Variants in NT5DC1 observed in about 807,000 individuals in gnomAD.
NT5DC1 encodes the protein 5'-nucleotidase domain containing 1.
In NT5DC1, 42 loss-of-function variants were observed where a neutral mutation model predicts 59.4. The observed-to-expected ratio is 0.71, with a 90% confidence interval of 0.55 to 0.92. The LOEUF (loss-of-function observed/expected upper bound fraction) is 0.92, where lower values mean the gene tolerates loss of function less well. NT5DC1 is among the 40% of genes least tolerant of loss of function. The probability of loss-of-function intolerance (pLI) is 0.00; values close to 1 mark genes in which losing one functional copy is unlikely to be tolerated. For missense variants in NT5DC1, 501 were observed against 537.1 expected (o/e 0.93, Z 0.66); for synonymous variants, 172 against 188.1 (o/e 0.91, Z 0.70).
intron 6 of NT5DC1, among the ~76,000 whole-genome samples, chr6:116,141,899 C>CACAA (rs991647292): frequency 6.6e-5 from 10 of 150,656 alleles, no homozygotes; most frequent in African/African-American, 2.4e-4. Flanking sequence ...CACACACACA[C>CACAA]ACACACACAC....
At chr6:116,124,809 T>C (rs1382513460) in intron 6 of NT5DC1, among the ~76,000 whole-genome samples, 1 of 152,212 alleles carries the variant, frequency 6.6e-6, no homozygotes, top group African/African-American at 2.4e-5. Flanking sequence ...TGCAGTTTCA[T>C]TTGCCTGCTT....
intron 6 of NT5DC1, among the ~76,000 whole-genome samples, chr6:116,159,297 A>G (rs1347349489): frequency 1.3e-5 from 2 of 152,208 alleles, no homozygotes; most frequent in East Asian, 1.9e-4. Context: ...CCAGAGAAAC[A>G]TAACTTTCTT....
intron 6 of NT5DC1, chr6:116,121,641 CA>C: frequency 6.2e-7 from 1 of 1,613,932 alleles, no homozygotes; most frequent in Non-Finnish European, 8.5e-7. Context: ...CCCTGTTGTC[CA>C]GGTTTTCCTG....
chr6:116,132,473 G>GTT lies in NT5DC1; in HGVS notation c.529+14537_529+14538dup, dbSNP rs571997614. ...ATTTGTCTTTTTAATTTGCTTATGAGTTTTTTTTTTCATGTAAAACTTTCT... is the reference window on the plus strand; with the variant it reads ...ATTTGTCTTTTTAATTTGCTTATGAGTTTTTTTTTTTTCATGTAAAACTTTCT... On this transcript the variant is annotated intron_variant, in intron 6 of 11. Transcript: ENST00000319550. 6.1e-5 allele frequency among the ~76,000 whole-genome samples: 9 copies of GTT among 147,932 alleles called. No individual in the cohort carries two copies. In the East Asian group the frequency reaches 1.8e-3, roughly 29 times the overall value.
chr6:116,194,468 G>A (rs1385954389), intron 6 of NT5DC1, among the ~76,000 whole-genome samples: 1 of 152,018 alleles, frequency 6.6e-6, no homozygotes, highest in Non-Finnish European at 1.5e-5. Context: ...ACTGGGAATT[G>A]GTGAGAAGGG....
rs181963415 is a variant in NT5DC1 at position 116,116,163 on chromosome 6, C to A, written c.444+393C>A. Among the ~76,000 whole-genome samples, 15 of 152,002 alleles carry A rather than the reference C, an allele frequency of 9.9e-5. No individual in the cohort carries two copies. In the East Asian group the frequency reaches 2.5e-3, roughly 25 times the overall value. The stretch of plus-strand genomic sequence containing the variant: ...TCTAAATAATATAAAATAGAAAAAT[C>A]GGATGAAATTTAAAAATTCACCATT... On this transcript the variant is annotated intron_variant, in intron 5 of 11. Coordinates refer to ENST00000319550, the MANE Select transcript of NT5DC1 (RefSeq NM_152729.3).
At chr6:116,122,191 A>T (rs542715852) in intron 6 of NT5DC1, among the ~76,000 whole-genome samples, 1 of 152,334 alleles carries the variant, frequency 6.6e-6, no homozygotes, top group African/African-American at 2.4e-5. Flanking sequence ...CTTTTATCCC[A>T]TGACAGTGAT....
rs1169502892 is a variant in NT5DC1, at chr6:116,241,690, G to A, written c.1253-2219G>A. On this transcript the variant is annotated intron_variant, in intron 11 of 11. Transcript: ENST00000319550. Reference sequence around the variant, plus strand: ...TGTAATCCCAGCACTTTGGGAGGCCGAGGCGGGAGGATCACCAGGTCAGGA... The same window carrying A: ...TGTAATCCCAGCACTTTGGGAGGCCAAGGCGGGAGGATCACCAGGTCAGGA... Among the ~76,000 whole-genome samples, 6 of 152,274 alleles carry A rather than the reference G, an allele frequency of 3.9e-5. No individual in the cohort carries two copies. The Middle Eastern group carries it at 0.014, about 345-fold the overall frequency.
intron 6 of NT5DC1, among the ~76,000 whole-genome samples, chr6:116,156,936 C>T (rs532372642): frequency 2.6e-5 from 4 of 152,096 alleles, no homozygotes; most frequent in African/African-American, 9.7e-5. Flanking sequence ...GTGCATTGAC[C>T]AGCCACTCAC....
intron 6 of NT5DC1, among the ~76,000 whole-genome samples, chr6:116,187,068 G>C (rs1288162504): frequency 6.6e-6 from 1 of 152,014 alleles, no homozygotes; most frequent in Non-Finnish European, 1.5e-5. Flanking sequence ...CCCTTGTTGT[G>C]GTGTTCTCCC....
intron 6 of NT5DC1, among the ~76,000 whole-genome samples, chr6:116,176,154 C>T (rs7755367): frequency 0.12 from 17,615 of 152,142 alleles, 1,219 homozygotes; most frequent in East Asian, 0.26. Context: ...CTATGGTAGA[C>T]CATAGGCTTC....
At position 116,152,910 on chromosome 6, in the gene NT5DC1, A is replaced by G. The variant is rs191642270; in HGVS notation, c.529+34965A>G. ...TATGATGTCGCCAGAGAAAAGGAAA[A>G]GTAAATTTAAATAACCTATAATCCT... On this transcript the variant is annotated intron_variant, in intron 6 of 11. Transcript: ENST00000319550. Among the ~76,000 whole-genome samples, 1,098 of 152,202 alleles carry G rather than the reference A, an allele frequency of 7.2e-3. 8 individuals carry two copies. Among genetic ancestry groups the G allele is most frequent in the Non-Finnish European group, 0.011 (756 of 67,998 alleles).
chr6:116,161,940 A>G (rs1298975645), intron 6 of NT5DC1, among the ~76,000 whole-genome samples: 1 of 152,076 alleles, frequency 6.6e-6, no homozygotes, highest in Non-Finnish European at 1.5e-5. Flanking sequence ...ACCATCTTAA[A>G]TGTATTCCTA....
intron 6 of NT5DC1, among the ~76,000 whole-genome samples, chr6:116,198,917 G>T (rs544223817): frequency 2.0e-5 from 3 of 151,956 alleles, no homozygotes; most frequent in Non-Finnish European, 4.4e-5. Context: ...AATATAAACA[G>T]TGTAAATTAG....
At position 116,247,099 on chromosome 6, in the gene NT5DC1, A is replaced by G. The variant is rs1350903998; in HGVS notation, c.*3075A>G. 2 of 152,128 alleles carry G rather than the reference A, an allele frequency of 1.3e-5. No individual in the cohort carries two copies. The highest frequency in any genetic ancestry group is 4.8e-5 in the African/African-American group (2 of 41,426). 9.4% of individuals were successfully genotyped at this position (152,128 alleles called of 1,614,324 possible). A position where few individuals can be genotyped will look rare whatever the true frequency, so the allele number is the denominator to read the frequency against. On this transcript the variant is annotated 3_prime_UTR_variant, in exon 12 of 12. Coordinates refer to ENST00000319550, the MANE Select transcript of NT5DC1 (RefSeq NM_152729.3). The stretch of plus-strand genomic sequence containing the variant: ...TACATGAACCCAAGTTTGATCCTCA[A>G]AATCACACTTTTAATTACTTGATAC...
At chr6:116,233,863 G>A (rs1188773029) in intron 8 of NT5DC1, among the ~76,000 whole-genome samples, 3 of 151,252 alleles carry the variant, frequency 2.0e-5, no homozygotes, top group Non-Finnish European at 4.4e-5. Context: ...GGTAAGCATT[G>A]TTATTATCCC....
intron 6 of NT5DC1, among the ~76,000 whole-genome samples, chr6:116,182,492 C>G (rs1268898603): frequency 6.6e-6 from 1 of 152,128 alleles, no homozygotes; most frequent in Non-Finnish European, 1.5e-5. Context: ...TACTAGTTTA[C>G]ATACCCACCA....
At chr6:116,120,542 A>C in intron 6 of NT5DC1, 1 of 1,613,858 alleles carries the variant, frequency 6.2e-7, no homozygotes, top group Non-Finnish European at 8.5e-7. Context: ...TGCCTTTATA[A>C]AACCCTCAGG....
chr6:116,174,777 A>G (rs1025558654), intron 6 of NT5DC1, among the ~76,000 whole-genome samples: 5 of 152,170 alleles, frequency 3.3e-5, no homozygotes, highest in Admixed American at 6.5e-5. Flanking sequence ...TCAGTCTACA[A>G]TTCTACCACT....
Sources: allele counts gnomAD v4.1 joint callset (sites outside exome capture counted in the v4.1 genomes callset), GRCh38; gene constraint gnomAD v4.1.1; transcripts MANE v1.5; gene names NCBI Gene and HGNC (gene_info 2026-07-23, HGNC 2026-07-21).